The following ZFHX3 variants were observed in gnomAD, a reference collection of about 807,000 sequenced individuals.
ZFHX3 encodes zinc finger homeobox protein 3.
In ZFHX3, 42 loss-of-function variants were observed where a neutral mutation model predicts 279.1. The observed-to-expected ratio is 0.15, with a 90% CI of 0.12 to 0.19. ZFHX3 has a LOEUF of 0.19. Ranked by LOEUF, ZFHX3 falls within the 10% of genes least tolerant of loss-of-function variation. The pLI, the probability that ZFHX3 is intolerant of heterozygous loss-of-function variation, is 1.00. For synonymous variants in ZFHX3, 2,293 were observed against 1,957.8 expected, an observed-to-expected ratio of 1.17 and a Z score of -4.52; for missense variants, 4,981 against 4,754.0, an observed-to-expected ratio of 1.05 and a Z score of -1.40.
intron 5 of ZFHX3, among the ~76,000 whole-genome samples, chr16:73,161,101 T>C (rs1333271161): frequency 1.3e-5 from 2 of 152,006 alleles, no homozygotes; most frequent in African/African-American, 4.8e-5. Context: ...GCCTCCCGAG[T>C]AGCTGGGACT....
At chr16:73,553,461 C>T (rs889359432) in intron 2 of ZFHX3, among the ~76,000 whole-genome samples, 12 of 152,124 alleles carry the variant, frequency 7.9e-5, no homozygotes, top group Non-Finnish European at 1.5e-4. Context: ...AAACGATCTC[C>T]CTTCTCCATC....
At chr16:73,770,959 A>G (rs969412692) in intron 1 of ZFHX3, among the ~76,000 whole-genome samples, 1 of 152,194 alleles carries the variant, frequency 6.6e-6, no homozygotes, top group Non-Finnish European at 1.5e-5. Context: ...TGAAGAAGGT[A>G]AAGGACTGGG....
intron 5 of ZFHX3, chr16:72,821,954 G>A (rs932970299): frequency 1.1e-4 from 16 of 152,160 alleles, no homozygotes; most frequent in Admixed American, 6.5e-4. Flanking sequence ...AATGAAGAGC[G>A]GAAAGCCTGC....
intron 5 of ZFHX3, among the ~76,000 whole-genome samples, chr16:73,243,064 T>C (rs528037890): frequency 1.3e-5 from 2 of 152,184 alleles, no homozygotes; most frequent in African/African-American, 4.8e-5. Context: ...TCTACCACTG[T>C]GCAGTTCAGC....
intron 2 of ZFHX3, among the ~76,000 whole-genome samples, chr16:73,657,654 T>A (rs1406267255): frequency 6.6e-6 from 1 of 152,192 alleles, no homozygotes; most frequent in Non-Finnish European, 1.5e-5. Context: ...ATTTTATATC[T>A]ATATAGATTT....
intron 5 of ZFHX3, among the ~76,000 whole-genome samples, chr16:73,207,222 G>T (rs546125964): frequency 4.6e-5 from 7 of 152,092 alleles, no homozygotes; most frequent in Non-Finnish European, 8.8e-5. Context: ...AGAGGAAAGA[G>T]CCAGCAAGCA....
intron 8 of ZFHX3, among the ~76,000 whole-genome samples, chr16:73,075,794 T>C (rs1472849296): frequency 2.6e-5 from 4 of 152,008 alleles, no homozygotes; most frequent in Non-Finnish European, 4.4e-5. Flanking sequence ...CCACTATGCC[T>C]GGCTAATTTT....
At chr16:73,673,497 A>C (rs1345842391) in intron 2 of ZFHX3, among the ~76,000 whole-genome samples, 2 of 152,176 alleles carry the variant, frequency 1.3e-5, no homozygotes, top group Non-Finnish European at 2.9e-5. Context: ...TATCACCAAG[A>C]AGTAAGAGAT....
intron 5 of ZFHX3, among the ~76,000 whole-genome samples, chr16:72,827,739 C>T (rs1406070107): frequency 2.6e-5 from 4 of 152,204 alleles, no homozygotes; most frequent in South Asian, 2.1e-4. Flanking sequence ...CTCCACTCCT[C>T]GGTCCTACCT....
chr16:73,765,952 G>A (rs1042441188), intron 1 of ZFHX3, among the ~76,000 whole-genome samples: 4 of 152,130 alleles, frequency 2.6e-5, no homozygotes, highest in Admixed American at 1.3e-4. Context: ...AAAGCCTGAG[G>A]CTTACTCTCA....
chr16:73,123,299 C>T (rs373133420), intron 7 of ZFHX3: 2 of 147,838 alleles, frequency 1.4e-5, no homozygotes, highest in East Asian at 4.0e-4. Context: ...TTATACTACT[C>T]ACGGGACATC....
Position 73,529,936 on chromosome 16 carries a change from G to GGTGT in ZFHX3, c.-1546-73682_-1546-73679dup, listed in dbSNP as rs10666234. Among the ~76,000 whole-genome samples, 324 of 151,474 alleles carry GGTGT rather than the reference G, an allele frequency of 2.1e-3. 11 individuals are homozygous for GGTGT. In the East Asian group the frequency reaches 0.045, roughly 21 times the overall value. On this transcript the variant is annotated intron_variant, in intron 2 of 17. Coordinates refer to the ZFHX3 transcript ENST00000641206. ...TTCAGCTCTATGAGGAAGTATTTTG[G>GGTGT]GTGTGTGTGTGTGTTGGGGTGGAAC...
chr16:73,070,938 G>GCGCGCACACA (rs1213455130), intron 8 of ZFHX3, among the ~76,000 whole-genome samples: 2 of 22,614 alleles, frequency 8.8e-5, no homozygotes, highest in African/African-American at 1.7e-4. Flanking sequence ...GCGCGCGCGC[G>GCGCGCACACA]CACACACACA....
rs3081625 is a variant in ZFHX3 at position 73,004,159 on chromosome 16, C to CTTTTTTTTTTTTTTTTTTTTTTTTTTTTT, written c.-50+43592_-50+43593insAAAAAAAAAAAAAAAAAAAAAAAAAAAAA. Among the ~76,000 whole-genome samples, 22 of 49,374 alleles carry CTTTTTTTTTTTTTTTTTTTTTTTTTTTTT rather than the reference C, an allele frequency of 4.5e-4. 4 individuals are homozygous for CTTTTTTTTTTTTTTTTTTTTTTTTTTTTT. Among genetic ancestry groups the CTTTTTTTTTTTTTTTTTTTTTTTTTTTTT allele is most frequent in the East Asian group, 1.2e-3 (1 of 816 alleles). The allele number at this position is 49,374 out of a possible 152,430, so 32.4% of individuals were successfully genotyped here. On this transcript the variant is annotated intron_variant, in intron 1 of 9. Coordinates refer to ENST00000268489, the MANE Select transcript of ZFHX3 (RefSeq NM_006885.4). ...CAATAATAACTACATAAAAACACGA[C>CTTTTTTTTTTTTTTTTTTTTTTTTTTTTT]TTTTTTTTTTTTTTTTTTTTTTTTT... is the stretch of plus-strand genomic sequence containing the variant.
chr16:73,511,227 A>G (rs1043621336), intron 2 of ZFHX3, among the ~76,000 whole-genome samples: 1 of 152,204 alleles, frequency 6.6e-6, no homozygotes, highest in Non-Finnish European at 1.5e-5. Context: ...ATTCAGTACT[A>G]TTCACTCATA....
chr16:73,435,295 A>C (rs963276277), intron 3 of ZFHX3, among the ~76,000 whole-genome samples: 1 of 151,578 alleles, frequency 6.6e-6, no homozygotes, highest in Non-Finnish European at 1.5e-5. Context: ...TGCAACCTCC[A>C]CCTCCCGGGT....
intron 3 of ZFHX3, among the ~76,000 whole-genome samples, chr16:73,319,471 G>GA (rs2015527846): frequency 6.6e-6 from 1 of 152,090 alleles, no homozygotes; most frequent in South Asian, 2.1e-4. Context: ...AAGGGCTTCC[G>GA]AGCGTTGTTG....
At chr16:72,955,692 C>T (rs1961219655) in intron 2 of ZFHX3, among the ~76,000 whole-genome samples, 3 of 149,348 alleles carry the variant, frequency 2.0e-5, no homozygotes. Context: ...GCAGGAGAAT[C>T]GCTTGAACAC....
intron 5 of ZFHX3, among the ~76,000 whole-genome samples, chr16:73,199,363 A>G (rs1275708940): frequency 1.3e-5 from 2 of 152,220 alleles, no homozygotes; most frequent in Non-Finnish European, 2.9e-5. Context: ...GTCTAAAATG[A>G]AACGGTAGCA....
Sources: gnomAD v4.1 joint callset for allele counts (sites outside exome capture counted in the v4.1 genomes callset) on GRCh38, gnomAD v4.1.1 for gene constraint, MANE v1.5 for transcripts, NCBI Gene and HGNC (gene_info 2026-07-23, HGNC 2026-07-21) for gene names.